ZZZ3: variants seen among roughly 807,000 people sequenced by gnomAD.
ZZZ3 encodes the protein ZZ-type zinc finger-containing protein 3.
ZZZ3 carries 22 observed loss-of-function variants against 95.2 expected under a neutral mutation model. That is an observed-to-expected ratio of 0.23 (90% CI 0.17 to 0.33). The LOEUF (loss-of-function observed/expected upper bound fraction) is 0.33. Among genes scored for constraint, ZZZ3 ranks in the 10% least tolerant of loss-of-function variants. The probability of loss-of-function intolerance (pLI) is 1.00; values close to 1 mark genes in which losing one functional copy is unlikely to be tolerated. For synonymous variants in ZZZ3, 335 were observed against 358.9 expected (o/e 0.93, Z 0.75); for missense variants, 885 against 1,066.5 (o/e 0.83, Z 2.37).
rs1660635031 is a variant in ZZZ3 at position 77,564,182 on chromosome 1, G to C, written c.*1458C>G. 1 of 151,862 alleles carries C rather than the reference G, an allele frequency of 6.6e-6. No individual in the cohort carries two copies. Among genetic ancestry groups the C allele is most frequent in the Non-Finnish European group, 1.5e-5 (1 of 67,896 alleles). The allele number at this position is 151,862 out of a possible 1,614,324, so 9.4% of individuals were successfully genotyped here. Reference sequence around the variant, plus strand: ...GGCTTATCTTCATGAGACACAACTAGAAAAAAAATTTTCAACTTTAGTTTT... The same window carrying C: ...GGCTTATCTTCATGAGACACAACTACAAAAAAAATTTTCAACTTTAGTTTT... On this transcript the variant is annotated 3_prime_UTR_variant, in exon 15 of 15. Coordinates refer to ENST00000370801, the MANE Select transcript of ZZZ3 (RefSeq NM_015534.6).
intron 4 of ZZZ3, among the ~76,000 whole-genome samples, chr1:77,634,598 G>A (rs1487581878): frequency 1.3e-5 from 2 of 152,166 alleles, no homozygotes; most frequent in Admixed American, 6.5e-5. Flanking sequence ...GACTACTCCT[G>A]TAATCCCACC....
intron 5 of ZZZ3, among the ~76,000 whole-genome samples, chr1:77,604,133 T>C (rs1292877045): frequency 6.6e-6 from 1 of 152,150 alleles, no homozygotes. Flanking sequence ...CAATTATGAG[T>C]AGCCACTGCA....
chr1:77,658,526 T>TTTC (rs200849803), intron 1 of ZZZ3, among the ~76,000 whole-genome samples: 12 of 148,322 alleles, frequency 8.1e-5, no homozygotes, highest in African/African-American at 2.9e-4. Flanking sequence ...TTTTTTTTTT[T>TTTC]TTCTTCTTCT....
chr1:77,600,422 T>C, intron 5 of ZZZ3, among the ~76,000 whole-genome samples: 1 of 152,164 alleles, frequency 6.6e-6, no homozygotes, highest in East Asian at 1.9e-4. Context: ...CAAAGAACTT[T>C]TCCTAACAGA....
At chr1:77,610,290 C>G (rs1570495864) in intron 5 of ZZZ3, among the ~76,000 whole-genome samples, 2 of 152,010 alleles carry the variant, frequency 1.3e-5, no homozygotes, top group South Asian at 4.2e-4. Flanking sequence ...CCTGAACAGA[C>G]CAATAACAAG....
chr1:77,629,646 C>A (rs1384879529), intron 5 of ZZZ3, among the ~76,000 whole-genome samples: 2 of 151,848 alleles, frequency 1.3e-5, no homozygotes, highest in South Asian at 2.1e-4. Context: ...AACAAACAAA[C>A]AAAAAAAGTG....
intron 8 of ZZZ3, among the ~76,000 whole-genome samples, chr1:77,581,524 C>T (rs897623905): frequency 6.6e-6 from 1 of 152,178 alleles, no homozygotes; most frequent in African/African-American, 2.4e-5. Flanking sequence ...AACAACCCTA[C>T]AAGATAGGTA....
chr1:77,583,934 C>T (rs1178102883), intron 6 of ZZZ3, among the ~76,000 whole-genome samples: 1 of 151,894 alleles, frequency 6.6e-6, no homozygotes. Context: ...GTATTAAACA[C>T]GAAAGTTCTG....
intron 5 of ZZZ3, among the ~76,000 whole-genome samples, chr1:77,592,345 C>A (rs1663787063): frequency 6.6e-6 from 1 of 152,198 alleles, no homozygotes; most frequent in Admixed American, 6.5e-5. Flanking sequence ...CTCTGTCCCC[C>A]AGGATAGAGT....
intron 11 of ZZZ3, among the ~76,000 whole-genome samples, chr1:77,577,649 A>C (rs951160576): frequency 1.3e-5 from 2 of 152,228 alleles, no homozygotes; most frequent in Non-Finnish European, 2.9e-5. Flanking sequence ...TTTATGAGAA[A>C]GATGTCAGTG....
intron 4 of ZZZ3, among the ~76,000 whole-genome samples, chr1:77,633,639 T>C (rs908885554): frequency 3.9e-5 from 6 of 152,190 alleles, no homozygotes; most frequent in African/African-American, 1.4e-4. Context: ...TCTTTCTATA[T>C]GCCTTACATA....
chr1:77,673,424 C>G (rs1671963428), intron 1 of ZZZ3, among the ~76,000 whole-genome samples: 1 of 152,066 alleles, frequency 6.6e-6, no homozygotes, highest in Admixed American at 6.6e-5. Flanking sequence ...TGGAGAAACC[C>G]CGCCTCTACT....
rs369199006 is a variant in ZZZ3 at position 77,566,228 on chromosome 1, G to C, written c.2467-47C>G. ...AATGTATTAAGTTATACTGTTCCACGATCTTTTTTATTTTCCACAAGGAAA... is the reference window on the plus strand; with the variant it reads ...AATGTATTAAGTTATACTGTTCCACCATCTTTTTTATTTTCCACAAGGAAA... On this transcript the variant is annotated intron_variant, in intron 13 of 14. Transcript: ENST00000370801. The C allele has an allele frequency of 5.1e-6, 7 of 1,366,654 alleles. No homozygotes were observed. In the African/African-American group the frequency reaches 7.2e-5, roughly 14 times the overall value. The allele number at this position is 1,366,654 out of a possible 1,614,324, so 84.7% of individuals were successfully genotyped here. A position where few individuals can be genotyped will look rare whatever the true frequency, so the allele number is the denominator to read the frequency against.
intron 4 of ZZZ3, among the ~76,000 whole-genome samples, chr1:77,635,921 G>C (rs1252859426): frequency 6.6e-6 from 1 of 151,904 alleles, no homozygotes. Flanking sequence ...AAAATAAAAA[G>C]AAAAGAACAC....
chr1:77,670,425 T>A (rs2101052904), intron 1 of ZZZ3, among the ~76,000 whole-genome samples: 1 of 152,202 alleles, frequency 6.6e-6, no homozygotes, highest in East Asian at 1.9e-4. Flanking sequence ...CATGCCTGGC[T>A]AATTTTTTGT....
At chr1:77,624,654 A>C (rs1311519378) in intron 5 of ZZZ3, among the ~76,000 whole-genome samples, 2 of 152,128 alleles carry the variant, frequency 1.3e-5, no homozygotes, top group Non-Finnish European at 2.9e-5. Context: ...GATCCTTCGA[A>C]ATATCCTTTG....
chr1:77,659,733 T>G (rs1056467964), intron 1 of ZZZ3, among the ~76,000 whole-genome samples: 12 of 149,978 alleles, frequency 8.0e-5, no homozygotes, highest in Admixed American at 8.0e-4. Context: ...TTGAATCCTA[T>G]GTTTTGATTA....
At chr1:77,643,255 A>C (rs1345616497) in intron 1 of ZZZ3, among the ~76,000 whole-genome samples, 1 of 152,190 alleles carries the variant, frequency 6.6e-6, no homozygotes, top group Non-Finnish European at 1.5e-5. Context: ...AAGCAAGGAA[A>C]TTAAACTAGC....
intron 1 of ZZZ3, among the ~76,000 whole-genome samples, chr1:77,673,726 G>C (rs1298080812): frequency 6.6e-6 from 1 of 151,936 alleles, no homozygotes; most frequent in Admixed American, 6.6e-5. Flanking sequence ...ACACCACAAT[G>C]TTGTACTGTT....
Sources: allele counts gnomAD v4.1 joint callset (sites outside exome capture counted in the v4.1 genomes callset), GRCh38; gene constraint gnomAD v4.1.1; transcripts MANE v1.5; gene names NCBI Gene and HGNC (gene_info 2026-07-23, HGNC 2026-07-21).